The following MTCL3 variants were observed in gnomAD, a reference collection of about 807,000 sequenced individuals.
MTCL3 encodes the protein MTCL family member 3, also known as microtubule cross-linking factor 3.
At chr6:127,514,901 G>A in the MTCL3 span, 21,139 of 1,614,180 alleles carry the variant, frequency 0.013, 159 homozygotes, top group Non-Finnish European at 0.016. Flanking sequence ...TTTTGCGCTC[G>A]GCTTTGCGGA....
chr6:127,483,091 G>C, the MTCL3 span: 1 of 861,446 alleles, frequency 1.2e-6, no homozygotes, highest in Non-Finnish European at 1.7e-6. Flanking sequence ...CAAATAAAAA[G>C]AGTTAGTTCA....
At chr6:127,515,051 A>G in the MTCL3 span, 2 of 1,612,538 alleles carry the variant, frequency 1.2e-6, no homozygotes, top group Non-Finnish European at 1.7e-6. The surrounding 1 kb of genome is among the most constrained non-coding windows in gnomAD (Gnocchi z 4.3). Flanking sequence ...TCTCGTTCTG[A>G]GGCGGTGACA....
chr6:127,484,612 A>T, the MTCL3 span, among the ~76,000 whole-genome samples: 27 of 152,312 alleles, frequency 1.8e-4, no homozygotes, highest in African/African-American at 6.3e-4. Flanking sequence ...TTATTTAGTG[A>T]CTACCAATGC....
chr6:127,513,674 A>C, the MTCL3 span, among the ~76,000 whole-genome samples: 1 of 152,084 alleles, frequency 6.6e-6, no homozygotes, highest in African/African-American at 2.4e-5. Flanking sequence ...TAGGGTTTGG[A>C]AGAAAAGTGG....
At chr6:127,498,279 C>T in the MTCL3 span, among the ~76,000 whole-genome samples, 3 of 152,084 alleles carry the variant, frequency 2.0e-5, no homozygotes, top group Admixed American at 6.5e-5. Context: ...ATAGGCTAAA[C>T]ATTGTGAATA....
chr6:127,508,035 T>C, the MTCL3 span, among the ~76,000 whole-genome samples: 11 of 152,250 alleles, frequency 7.2e-5, no homozygotes, highest in South Asian at 1.0e-3. Context: ...TAATGTGTAA[T>C]TGATGCATCT....
the MTCL3 span, among the ~76,000 whole-genome samples, chr6:127,497,303 G>T: frequency 2.2e-4 from 34 of 152,190 alleles, no homozygotes; most frequent in African/African-American, 7.5e-4. Flanking sequence ...CTCTCTGGTG[G>T]TTAAATATTC....
At chr6:127,505,299 A>G in the MTCL3 span, among the ~76,000 whole-genome samples, 1 of 152,362 alleles carries the variant, frequency 6.6e-6, no homozygotes, top group East Asian at 1.9e-4. Context: ...TGGATAAAGA[A>G]GAATGTGGTA....
the MTCL3 span, among the ~76,000 whole-genome samples, chr6:127,505,137 A>G: frequency 1.3e-5 from 2 of 152,202 alleles, no homozygotes; most frequent in Admixed American, 6.5e-5. Context: ...GGGAGTTTCA[A>G]CTTGTACTCA....
the MTCL3 span, chr6:127,473,199 T>C: frequency 6.7e-6 from 9 of 1,351,118 alleles, no homozygotes; most frequent in Admixed American, 3.8e-5. Context: ...ACAGAAATTA[T>C]ACTTCTTTTA....
chr6:127,518,629 T>C, the MTCL3 span: 1 of 152,278 alleles, frequency 6.6e-6, no homozygotes, highest in Non-Finnish European at 1.5e-5. Flanking sequence ...AACAGCACTT[T>C]CCTTCTGATA....
At chr6:127,506,582 G>T in the MTCL3 span, among the ~76,000 whole-genome samples, 3 of 151,664 alleles carry the variant, frequency 2.0e-5, no homozygotes, top group Non-Finnish European at 4.4e-5. Flanking sequence ...CCCCTCCCCC[G>T]TCTTTATTTA....
chr6:127,485,890 G>T, the MTCL3 span, among the ~76,000 whole-genome samples: 1 of 152,144 alleles, frequency 6.6e-6, no homozygotes, highest in African/African-American at 2.4e-5. Context: ...TCATTCAAGA[G>T]AACTGACTTT....
the MTCL3 span, among the ~76,000 whole-genome samples, chr6:127,516,992 T>C: frequency 6.6e-6 from 1 of 152,052 alleles, no homozygotes; most frequent in South Asian, 2.1e-4. Flanking sequence ...CAGACAGGAA[T>C]TGATGGAAAG....
chr6:127,484,355 TACAGG>T, the MTCL3 span, among the ~76,000 whole-genome samples: 49 of 152,248 alleles, frequency 3.2e-4, no homozygotes, highest in African/African-American at 1.1e-3. Flanking sequence ...TCTAGTTCTT[TACAGG>T]AAGAAGTTCT....
the MTCL3 span, among the ~76,000 whole-genome samples, chr6:127,511,456 C>A: frequency 6.6e-6 from 1 of 152,088 alleles, no homozygotes. Flanking sequence ...GGGAAAAAAT[C>A]TTTGCCATTC....
chr6:127,477,252 C>T, the MTCL3 span, among the ~76,000 whole-genome samples: 1 of 152,174 alleles, frequency 6.6e-6, no homozygotes, highest in African/African-American at 2.4e-5. Context: ...TGGATAAAGC[C>T]TGGCAAAAGA....
chr6:127,506,747 A>T, the MTCL3 span, among the ~76,000 whole-genome samples: 1 of 151,730 alleles, frequency 6.6e-6, no homozygotes. Context: ...CGCCCGGCTA[A>T]TTTTTTGTAT....
chr6:127,514,772 G>T, the MTCL3 span: 28 of 1,509,788 alleles, frequency 1.9e-5, no homozygotes, highest in Admixed American at 5.4e-5. Context: ...CTTGGCCAAA[G>T]TCCCCACCCA....
Sources: gnomAD v4.1 joint callset for allele counts (sites outside exome capture counted in the v4.1 genomes callset) on GRCh38, gnomAD v4.1.1 for gene constraint, Gnocchi (gnomAD v3.1) non-coding constraint, MANE v1.5 for transcripts, NCBI Gene and HGNC (gene_info 2026-07-23, HGNC 2026-07-21) for gene names.